The following IQUB variants were observed in gnomAD, a reference collection of about 807,000 sequenced individuals.
IQUB encodes the protein IQ motif and ubiquitin domain containing.
A neutral mutation model predicts 86.4 loss-of-function variants in IQUB; 86 were observed. That is an observed-to-expected ratio of 1.00 (90% confidence interval 0.84 to 1.19). The LOEUF (loss-of-function observed/expected upper bound fraction) is 1.19. Among genes scored for constraint, IQUB ranks in the 50% most tolerant of loss-of-function variants. IQUB has a pLI of 0.00. For synonymous variants in IQUB, 289 were observed against 304.5 expected (o/e 0.95, Z 0.53); for missense variants, 946 against 916.9 (o/e 1.03, Z -0.41).
At chr7:123,486,890 G>T (rs771471422) in intron 7 of IQUB, among the ~76,000 whole-genome samples, 6 of 122,410 alleles carry the variant, frequency 4.9e-5, no homozygotes, top group Admixed American at 8.2e-5. Flanking sequence ...CCTGATAAGT[G>T]TTATTAGAAC....
intron 8 of IQUB, among the ~76,000 whole-genome samples, chr7:123,477,830 C>T (rs1025925972): frequency 6.6e-6 from 1 of 152,152 alleles, no homozygotes; most frequent in African/African-American, 2.4e-5. Context: ...AGCCAACAGA[C>T]ACATGAAAAA....
At chr7:123,475,441 A>G (rs1053494467) in intron 8 of IQUB, among the ~76,000 whole-genome samples, 13 of 148,476 alleles carry the variant, frequency 8.8e-5, no homozygotes, top group South Asian at 2.1e-4. Flanking sequence ...ACCTCATGAG[A>G]AAGGGTAGTG....
intron 1 of IQUB, among the ~76,000 whole-genome samples, chr7:123,513,551 C>G (rs1398771637): frequency 6.6e-6 from 1 of 152,132 alleles, no homozygotes; most frequent in African/African-American, 2.4e-5. Flanking sequence ...CCTGTGAAGT[C>G]CTTTTCATAA....
At chr7:123,475,533 T>C (rs938763919) in intron 8 of IQUB, among the ~76,000 whole-genome samples, 14 of 152,168 alleles carry the variant, frequency 9.2e-5, no homozygotes, top group African/African-American at 3.4e-4. Context: ...AGAAGTTTAG[T>C]TAAATGTTTA....
In IQUB at chr7:123,457,441, G is replaced by A. The variant is rs780859933; in HGVS notation, c.2133C>T (p.Asn711=). The change falls in exon 12 of 13, where the codon AAC becomes AAT. Residue 711 remains asparagine (N), a synonymous_variant. Coordinates refer to ENST00000324698, the MANE Select transcript of IQUB (RefSeq NM_178827.5). ...WNKSLEWSPW[N]CILLTKDEAA... ...CTTCATCTTTGGTAAGAAGAATGCA[G>A]TTCCAGGGGGACCACTCCAGGGATT... 2.5e-6 allele frequency: 4 copies of A among 1,612,482 alleles called. No homozygotes were observed. In the Admixed American group the frequency reaches 6.7e-5, roughly 27 times the overall value.
intron 7 of IQUB, among the ~76,000 whole-genome samples, chr7:123,485,066 T>C (rs1356056342): frequency 6.6e-6 from 1 of 152,116 alleles, no homozygotes. Context: ...ACTTGTTCTC[T>C]AAAGGATGAT....
At chr7:123,527,423 G>T (rs1047081188) in intron 1 of IQUB, among the ~76,000 whole-genome samples, 1 of 152,156 alleles carries the variant, frequency 6.6e-6, no homozygotes, top group Non-Finnish European at 1.5e-5. Context: ...TTTCTGCTCT[G>T]TTTTTTCCCC....
At chr7:123,525,280 C>T (rs1413497103) in intron 1 of IQUB, among the ~76,000 whole-genome samples, 1 of 151,990 alleles carries the variant, frequency 6.6e-6, no homozygotes, top group Non-Finnish European at 1.5e-5. Context: ...GGAATGGTAC[C>T]ATTTCCTCCT....
At chr7:123,469,079 A>G (rs1022230395) in intron 9 of IQUB, 135 bp downstream of exon 9, 4 of 514,302 alleles carry the variant, frequency 7.8e-6, no homozygotes, top group Non-Finnish European at 1.3e-5. Flanking sequence ...GTAAATATTA[A>G]TGCATAAACC....
In IQUB at chr7:123,467,560, A is replaced by C. The variant is rs541065556; in HGVS notation, c.1581+1654T>G. On this transcript the variant is annotated intron_variant, in intron 9 of 12. Coordinates refer to ENST00000324698, the MANE Select transcript of IQUB (RefSeq NM_178827.5). ...AGAGTCTGGGGTATGTGAAAACAAA[A>C]ATTAAATCAAGTCCTGGCCCAGGTC... Among the ~76,000 whole-genome samples the C allele has an allele frequency of 3.9e-5, 6 of 152,310 alleles. No homozygotes were observed. In the East Asian group the frequency reaches 9.6e-4, roughly 24 times the overall value.
rs184724194 is a variant in IQUB at position 123,490,230 on chromosome 7, A to G, written c.1234+6466T>C. Among the ~76,000 whole-genome samples the G allele has an allele frequency of 2.6e-5, 4 of 152,250 alleles. 1 individual carries two copies. The East Asian group carries it at 7.7e-4, about 29-fold the overall frequency. On this transcript the variant is annotated intron_variant, in intron 7 of 12. Transcript: ENST00000324698. Reference sequence around the variant, plus strand: ...AGATATACTAAACTAACAGTGATCAAAAGGAAAATGGAAAGGACATATCAA... The same window carrying G: ...AGATATACTAAACTAACAGTGATCAGAAGGAAAATGGAAAGGACATATCAA...
chr7:123,462,846 A>G (rs1304205010), intron 10 of IQUB: 2 of 455,280 alleles, frequency 4.4e-6, no homozygotes, highest in African/African-American at 4.0e-5. Flanking sequence ...AAATTGTGCA[A>G]GAAAAAAATA....
chr7:123,523,062 C>T (rs1221381342), intron 1 of IQUB, among the ~76,000 whole-genome samples: 1 of 150,964 alleles, frequency 6.6e-6, no homozygotes, highest in East Asian at 1.9e-4. Flanking sequence ...CATAGTATTC[C>T]ATGGTGTATA....
At chr7:123,529,739 A>AAAAAAC (rs1468238735) in intron 1 of IQUB, among the ~76,000 whole-genome samples, 1 of 147,622 alleles carries the variant, frequency 6.8e-6, no homozygotes, top group African/African-American at 2.5e-5. Flanking sequence ...AAAAAAAAAA[A>AAAAAAC]AAAAAAAAAA....
chr7:123,508,004 T>C (rs1273346017), intron 3 of IQUB, among the ~76,000 whole-genome samples: 1 of 152,194 alleles, frequency 6.6e-6, no homozygotes, highest in Non-Finnish European at 1.5e-5. Context: ...CTTTGCAGAT[T>C]TGATTGAGAA....
chr7:123,490,376 A>G (rs1795404671), intron 7 of IQUB, among the ~76,000 whole-genome samples: 1 of 152,190 alleles, frequency 6.6e-6, no homozygotes, highest in South Asian at 2.1e-4. Context: ...ATCTAATAAG[A>G]AAGTTTCACA....
intron 12 of IQUB, among the ~76,000 whole-genome samples, chr7:123,453,996 G>C (rs1382601879): frequency 6.6e-6 from 1 of 151,942 alleles, no homozygotes; most frequent in Non-Finnish European, 1.5e-5. Context: ...CTGAGAATAA[G>C]ACATTCCCTC....
chr7:123,486,218 T>G (rs936963997), intron 7 of IQUB, among the ~76,000 whole-genome samples: 1 of 152,172 alleles, frequency 6.6e-6, no homozygotes, highest in Non-Finnish European at 1.5e-5. Flanking sequence ...AATTCAGATA[T>G]AGACTAGCCG....
intron 8 of IQUB, among the ~76,000 whole-genome samples, chr7:123,476,385 G>A (rs942573069): frequency 6.6e-6 from 1 of 152,162 alleles, no homozygotes; most frequent in Non-Finnish European, 1.5e-5. Context: ...CAAAAGGATC[G>A]AGAGCACCTG....
Sources: allele counts gnomAD v4.1 joint callset (sites outside exome capture counted in the v4.1 genomes callset), GRCh38; gene constraint gnomAD v4.1.1; transcripts MANE v1.5; gene names NCBI Gene and HGNC (gene_info 2026-07-23, HGNC 2026-07-21).